GRID2: variants seen among roughly 807,000 people sequenced by gnomAD.
The protein encoded by GRID2 is glutamate ionotropic receptor delta type subunit 2.
In GRID2, 33 loss-of-function variants were observed where a neutral mutation model predicts 114.8. The observed-to-expected ratio is 0.29, with a 90% CI of 0.22 to 0.38. The LOEUF (loss-of-function observed/expected upper bound fraction) is 0.38. Among genes scored for constraint, GRID2 ranks in the 10% least tolerant of loss-of-function variants. GRID2 has a pLI of 1.00. For missense variants in GRID2, 1,184 were observed against 1,257.7 expected (o/e 0.94, Z 0.89); for synonymous variants, 505 against 449.9 (o/e 1.12, Z -1.55).
chr4:93,329,320 A>T (rs1238415522), intron 8 of GRID2, among the ~76,000 whole-genome samples: 3 of 152,132 alleles, frequency 2.0e-5, no homozygotes, highest in Admixed American at 2.0e-4. Flanking sequence ...CATTGAATTT[A>T]TATCAGTAAA....
intron 2 of GRID2, among the ~76,000 whole-genome samples, chr4:92,874,074 C>T (rs1040437752): frequency 6.6e-6 from 1 of 152,130 alleles, no homozygotes; most frequent in Non-Finnish European, 1.5e-5. Context: ...ATTCTTCTTA[C>T]ACTCAGGAAG....
At position 93,110,732 on chromosome 4, in the gene GRID2, C is replaced by T; in HGVS notation, c.530-16C>T. The T allele has an allele frequency of 6.4e-7, 1 of 1,555,304 alleles. No homozygotes were observed. Among genetic ancestry groups the T allele is most frequent in the Non-Finnish European group, 8.9e-7 (1 of 1,126,366 alleles). ...AATAATTCACAGGTATTTTGATGGG[C>T]TTTTGATGTTTCCAGATATCCGTGG... On this transcript the variant is annotated splice_polypyrimidine_tract_variant and intron_variant, in intron 3 of 15. Transcript: ENST00000282020.
intron 2 of GRID2, among the ~76,000 whole-genome samples, chr4:92,785,162 A>T (rs1739258992): frequency 6.6e-6 from 1 of 150,690 alleles, no homozygotes; most frequent in Admixed American, 6.6e-5. Flanking sequence ...CAAAATCCAA[A>T]CATTATATAG....
At chr4:93,338,789 A>T (rs538079431) in intron 8 of GRID2, among the ~76,000 whole-genome samples, 47 of 152,128 alleles carry the variant, frequency 3.1e-4, no homozygotes, top group African/African-American at 1.0e-3. Context: ...TGGCTCATTT[A>T]TGTTATTTTT....
chr4:92,912,510 T>C (rs1748468901), intron 2 of GRID2, among the ~76,000 whole-genome samples: 1 of 151,898 alleles, frequency 6.6e-6, no homozygotes, highest in South Asian at 2.1e-4. Flanking sequence ...ATGTTTATCA[T>C]TTAAAAGATA....
intron 2 of GRID2, among the ~76,000 whole-genome samples, chr4:93,069,310 G>A (rs7682242): frequency 1.3e-5 from 2 of 151,556 alleles, no homozygotes; most frequent in Admixed American, 6.6e-5. Flanking sequence ...ATGCATGTGT[G>A]TATATATATA....
intron 2 of GRID2, among the ~76,000 whole-genome samples, chr4:92,709,725 A>G (rs1735145927): frequency 1.3e-5 from 2 of 151,946 alleles, no homozygotes; most frequent in Admixed American, 6.6e-5. Flanking sequence ...TAAGCTTAGC[A>G]AGATGCCATT....
chr4:93,264,780 ATATAATATATATT>A (rs1750635156), intron 8 of GRID2, among the ~76,000 whole-genome samples: 1 of 145,502 alleles, frequency 6.9e-6, no homozygotes, highest in African/African-American at 2.5e-5. Flanking sequence ...ATATAAATAT[ATATAATATATATT>A]TATTTTTTGA....
At chr4:92,801,041 G>T (rs1460975853) in intron 2 of GRID2, among the ~76,000 whole-genome samples, 1 of 151,932 alleles carries the variant, frequency 6.6e-6, no homozygotes, top group East Asian at 1.9e-4. Flanking sequence ...TATATAATGT[G>T]TCACATAGCA....
At chr4:92,938,688 A>G (rs1188201381) in intron 2 of GRID2, among the ~76,000 whole-genome samples, 2 of 145,934 alleles carry the variant, frequency 1.4e-5, no homozygotes, top group Admixed American at 7.5e-5. Context: ...AGCCTTAGGT[A>G]TATCTCTTAA....
At chr4:92,563,591 C>A (rs552279356) in intron 1 of GRID2, among the ~76,000 whole-genome samples, 187 of 152,042 alleles carry the variant, frequency 1.2e-3, no homozygotes, top group South Asian at 6.8e-3. Context: ...ATGCTTTTTT[C>A]TTTTTTATTC....
intron 2 of GRID2, among the ~76,000 whole-genome samples, chr4:92,839,975 AT>A (rs2149408335): frequency 6.6e-6 from 1 of 152,106 alleles, no homozygotes; most frequent in South Asian, 2.1e-4. Flanking sequence ...CTCTAATAAT[AT>A]TTCTGTTATA....
chr4:93,240,779 G>A (rs536830941), intron 8 of GRID2, among the ~76,000 whole-genome samples: 6 of 150,128 alleles, frequency 4.0e-5, no homozygotes, highest in Middle Eastern at 3.5e-3. Context: ...ATATATATAC[G>A]GGGTAAGAAA....
chr4:93,376,820 G>A (rs1421743997), intron 8 of GRID2, among the ~76,000 whole-genome samples: 2 of 152,108 alleles, frequency 1.3e-5, no homozygotes, highest in African/African-American at 4.8e-5. Context: ...GGCCTTCCCC[G>A]GGGTGGAGTG....
At chr4:93,632,632 GT>G (rs1721024477) in intron 14 of GRID2, among the ~76,000 whole-genome samples, 1 of 152,172 alleles carries the variant, frequency 6.6e-6, no homozygotes. Context: ...TTGTAGTATA[GT>G]TTGAAGTCAG....
chr4:92,989,508 C>T (rs1367419458), intron 2 of GRID2, among the ~76,000 whole-genome samples: 1 of 151,286 alleles, frequency 6.6e-6, no homozygotes. Flanking sequence ...TAGATTTTCT[C>T]AAGGTTTGCA....
intron 2 of GRID2, among the ~76,000 whole-genome samples, chr4:92,624,006 G>T (rs74476946): frequency 0.016 from 2,360 of 151,880 alleles, 55 homozygotes; most frequent in African/African-American, 0.053. Context: ...ATCATTGATT[G>T]TGGTATTATA....
At chr4:92,362,858 C>T (rs1728682701) in intron 1 of GRID2, among the ~76,000 whole-genome samples, 3 of 151,994 alleles carry the variant, frequency 2.0e-5, no homozygotes, top group South Asian at 2.1e-4. Flanking sequence ...TTATTTTTTA[C>T]GTCGTATCAC....
At chr4:92,491,459 T>C (rs1035705310) in intron 1 of GRID2, among the ~76,000 whole-genome samples, 1 of 152,184 alleles carries the variant, frequency 6.6e-6, no homozygotes, top group Non-Finnish European at 1.5e-5. Context: ...AGCTCAGTTC[T>C]TTATCACTTC....
Sources: gnomAD v4.1 joint callset for allele counts (sites outside exome capture counted in the v4.1 genomes callset) on GRCh38, gnomAD v4.1.1 for gene constraint, MANE v1.5 for transcripts, NCBI Gene and HGNC (gene_info 2026-07-23, HGNC 2026-07-21) for gene names.